UTRN: variants seen among roughly 807,000 people sequenced by gnomAD.
UTRN encodes the protein dystrophin-related protein 1.
Under a neutral mutation model 463.9 loss-of-function variants are expected in UTRN, and 283 were observed. The ratio of observed to expected loss-of-function variants is 0.61; its 90% confidence interval spans 0.55 to 0.67. The LOEUF (loss-of-function observed/expected upper bound fraction) is 0.67, where lower values mean the gene tolerates loss of function less well. UTRN is among the 30% of genes least tolerant of loss of function. The probability of loss-of-function intolerance (pLI) is 0.00; values close to 1 mark genes in which losing one functional copy is unlikely to be tolerated. For synonymous variants in UTRN, 1,442 were observed against 1,431.5 expected (o/e 1.01, Z -0.17); for missense variants, 3,922 against 4,084.3 (o/e 0.96, Z 1.08).
intron 51 of UTRN, among the ~76,000 whole-genome samples, chr6:144,624,853 T>C (rs926019012): frequency 1.3e-5 from 2 of 152,176 alleles, no homozygotes; most frequent in African/African-American, 4.8e-5. Flanking sequence ...TGAGTCTAGA[T>C]CGTTTTTGAC....
chr6:144,618,741 T>G (rs1449823595), intron 51 of UTRN, among the ~76,000 whole-genome samples: 1 of 152,140 alleles, frequency 6.6e-6, no homozygotes, highest in Non-Finnish European at 1.5e-5. Flanking sequence ...TATTATTGTT[T>G]AAAGTTTGGA....
chr6:144,600,944 C>T (rs1804181908), intron 51 of UTRN, among the ~76,000 whole-genome samples: 1 of 152,058 alleles, frequency 6.6e-6, no homozygotes, highest in African/African-American at 2.4e-5. Context: ...ATCCTAGGGC[C>T]CTTAAGAATT....
intron 13 of UTRN, among the ~76,000 whole-genome samples, chr6:144,441,859 C>T (rs1357977211): frequency 6.6e-6 from 1 of 152,212 alleles, no homozygotes. Context: ...AGGCTCAACA[C>T]CACATGGAAG....
chr6:144,731,697 T>TAC (rs139859447), intron 54 of UTRN, among the ~76,000 whole-genome samples: 5 of 151,762 alleles, frequency 3.3e-5, no homozygotes, highest in Admixed American at 6.6e-5. Context: ...TACACACATG[T>TAC]ACACACACAC....
intron 7 of UTRN, among the ~76,000 whole-genome samples, chr6:144,427,414 C>T (rs1384970965): frequency 6.6e-6 from 1 of 152,106 alleles, no homozygotes; most frequent in Non-Finnish European, 1.5e-5. Flanking sequence ...GAAACTTAAT[C>T]AGTTCTTACA....
At chr6:144,742,442 A>T (rs556437444) in intron 54 of UTRN, among the ~76,000 whole-genome samples, 1 of 152,208 alleles carries the variant, frequency 6.6e-6, no homozygotes, top group African/African-American at 2.4e-5. Flanking sequence ...GTATTTCCCA[A>T]TATTTTAATC....
intron 65 of UTRN, among the ~76,000 whole-genome samples, chr6:144,817,905 ACT>A (rs1478307659): frequency 6.6e-6 from 1 of 151,822 alleles, no homozygotes; most frequent in African/African-American, 2.4e-5. Context: ...ATTATTAGAA[ACT>A]CTAATTTCAA....
intron 23 of UTRN, among the ~76,000 whole-genome samples, chr6:144,467,489 G>A (rs981294033): frequency 2.6e-5 from 4 of 152,202 alleles, no homozygotes; most frequent in Non-Finnish European, 4.4e-5. Flanking sequence ...TCTAGTGAGA[G>A]TGGATTTATA....
intron 54 of UTRN, among the ~76,000 whole-genome samples, chr6:144,732,018 C>T (rs1157671658): frequency 8.6e-5 from 13 of 151,870 alleles, no homozygotes; most frequent in Admixed American, 3.3e-4. Context: ...TCCACCACCA[C>T]GCCCAGCTAG....
At chr6:144,537,154 C>G (rs1419354967) in intron 43 of UTRN, among the ~76,000 whole-genome samples, 1 of 151,988 alleles carries the variant, frequency 6.6e-6, no homozygotes, top group East Asian at 1.9e-4. Context: ...AATGTGATAA[C>G]ATGTCATATA....
intron 2 of UTRN, among the ~76,000 whole-genome samples, chr6:144,389,245 C>T (rs971803716): frequency 6.6e-5 from 10 of 152,132 alleles, no homozygotes; most frequent in South Asian, 2.1e-4. Flanking sequence ...TTAGCCTCTC[C>T]GAAGGAGGCA....
At chr6:144,643,624 C>T (rs954322028) in intron 51 of UTRN, among the ~76,000 whole-genome samples, 6 of 152,082 alleles carry the variant, frequency 3.9e-5, no homozygotes, top group South Asian at 2.1e-4. Context: ...TGGTGAAACC[C>T]CATCTCTACT....
intron 58 of UTRN, among the ~76,000 whole-genome samples, chr6:144,763,622 T>C (rs17074132): frequency 6.6e-6 from 1 of 152,166 alleles, no homozygotes; most frequent in Non-Finnish European, 1.5e-5. Flanking sequence ...GCTTAGGCAA[T>C]ACAGAAGAAA....
At chr6:144,821,827 C>T (rs1045424590) in intron 66 of UTRN, among the ~76,000 whole-genome samples, 8 of 152,022 alleles carry the variant, frequency 5.3e-5, no homozygotes, top group Non-Finnish European at 1.2e-4. Context: ...GATAAATATT[C>T]CTGCTAAGGC....
At chr6:144,673,537 T>C (rs1354000349) in intron 51 of UTRN, among the ~76,000 whole-genome samples, 1 of 152,124 alleles carries the variant, frequency 6.6e-6, no homozygotes, top group Non-Finnish European at 1.5e-5. Context: ...TGAGTCCTTA[T>C]GTGTTAGGTG....
Position 144,531,132 on chromosome 6 carries a change from A to G in UTRN, c.5987A>G (p.Glu1996Gly). 25 of 1,614,102 alleles carry G rather than the reference A, an allele frequency of 1.5e-5. No homozygotes were observed. The highest frequency in any genetic ancestry group is 2.1e-5 in the Non-Finnish European group (25 of 1,179,990). ...CTCACACAGTGGATAACAGAGGCTG[A>G]AGAATTACTGGTTGATACCTGTGCT... Reference protein sequence around the residue: ...NDLTQWITEAEELLVDTCAPG... With the variant: ...NDLTQWITEAGELLVDTCAPG... Residue 1996 changes from glutamate (E) to glycine (G), a missense_variant, in exon 42 of 75, where the codon GAA (glutamate) becomes GGA (glycine). Transcript: ENST00000367545.
intron 2 of UTRN, among the ~76,000 whole-genome samples, chr6:144,366,143 A>G (rs1317730311): frequency 6.6e-6 from 1 of 152,236 alleles, no homozygotes; most frequent in Admixed American, 6.5e-5. Context: ...TCACATGAAT[A>G]TAAAAGTTGA....
chr6:144,635,503 C>A (rs1213706429), intron 51 of UTRN, among the ~76,000 whole-genome samples: 1 of 118,948 alleles, frequency 8.4e-6, no homozygotes, highest in Non-Finnish European at 1.7e-5. Flanking sequence ...TAGCAGCTAG[C>A]CTTTTTTTTT....
At chr6:144,301,536 C>CTTTT (rs200484231) in intron 2 of UTRN, among the ~76,000 whole-genome samples, 1,492 of 92,398 alleles carry the variant, frequency 0.016, no homozygotes, top group Non-Finnish European at 0.025. Flanking sequence ...TTCTTTCTTT[C>CTTTT]TTTTTTTTTT....
Sources: allele counts gnomAD v4.1 joint callset (sites outside exome capture counted in the v4.1 genomes callset), GRCh38; gene constraint gnomAD v4.1.1; transcripts MANE v1.5; gene names NCBI Gene and HGNC (gene_info 2026-07-23, HGNC 2026-07-21).